The following GRAMD2B variants were observed in gnomAD, a reference collection of about 807,000 sequenced individuals.
GRAMD2B encodes GRAM domain-containing protein 2B.
GRAMD2B carries 41 observed loss-of-function variants against 59.2 expected under a neutral mutation model. The observed-to-expected ratio is 0.69, with a 90% CI of 0.54 to 0.90. The LOEUF is 0.90. Among genes scored for constraint, GRAMD2B ranks in the 40% least tolerant of loss-of-function variants. The pLI is 0.00. For missense variants in GRAMD2B, 424 were observed against 500.5 expected, an observed-to-expected ratio of 0.85 and a Z score of 1.46; for synonymous variants, 161 against 182.7, an observed-to-expected ratio of 0.88 and a Z score of 0.96.
chr5:126,455,981 G>C (rs58059136), intron 1 of GRAMD2B, among the ~76,000 whole-genome samples: 11,260 of 152,172 alleles, frequency 0.074, 686 homozygotes, highest in African/African-American at 0.17. Context: ...TAAATCCTTT[G>C]AGAACATAAA....
At chr5:126,384,259 A>G (rs1755914806) in intron 1 of GRAMD2B, among the ~76,000 whole-genome samples, 1 of 152,200 alleles carries the variant, frequency 6.6e-6, no homozygotes, top group Non-Finnish European at 1.5e-5. Flanking sequence ...CCGGGATACT[A>G]TAGAAGGCAG....
At chr5:126,430,094 A>G (rs1408388685) in intron 1 of GRAMD2B, among the ~76,000 whole-genome samples, 1 of 152,224 alleles carries the variant, frequency 6.6e-6, no homozygotes, top group African/African-American at 2.4e-5. Flanking sequence ...TTTCAAATGT[A>G]ATAAAGCAAA....
At chr5:126,393,200 C>T (rs555317232) in intron 1 of GRAMD2B, among the ~76,000 whole-genome samples, 15 of 152,236 alleles carry the variant, frequency 9.9e-5, no homozygotes, top group Non-Finnish European at 1.3e-4. Flanking sequence ...TTTTCCATCA[C>T]GACCATCTCC....
At chr5:126,374,691 C>A (rs533441394) in intron 1 of GRAMD2B, among the ~76,000 whole-genome samples, 1 of 152,074 alleles carries the variant, frequency 6.6e-6, no homozygotes, top group Non-Finnish European at 1.5e-5. Flanking sequence ...GTGTTTAGAA[C>A]GTATTTCCTT....
intron 1 of GRAMD2B, among the ~76,000 whole-genome samples, chr5:126,437,648 G>A (rs1447571162): frequency 6.6e-6 from 1 of 152,070 alleles, no homozygotes; most frequent in African/African-American, 2.4e-5. Flanking sequence ...GAACGGCAGA[G>A]AATAAAACAA....
At chr5:126,430,733 A>AATGCTT (rs1222007490) in intron 1 of GRAMD2B, among the ~76,000 whole-genome samples, 1 of 152,234 alleles carries the variant, frequency 6.6e-6, no homozygotes, top group Non-Finnish European at 1.5e-5. Flanking sequence ...TAGCAAAAGA[A>AATGCTT]ACAAGATTGT....
chr5:126,363,647 T>C (rs960320696), intron 1 of GRAMD2B, among the ~76,000 whole-genome samples: 1 of 152,128 alleles, frequency 6.6e-6, no homozygotes, highest in East Asian at 1.9e-4. Flanking sequence ...TTGAAAACAT[T>C]GTAGGTGAAA....
chr5:126,430,878 T>C (rs935437587), intron 1 of GRAMD2B, among the ~76,000 whole-genome samples: 6 of 152,216 alleles, frequency 3.9e-5, no homozygotes, highest in Non-Finnish European at 7.3e-5. Context: ...CAGGCTGTGA[T>C]ACTTGGGTAC....
At chr5:126,481,204 AAAGAAAGAAAGAAAGAAAGAAAGAAAG>A (rs1190810810) in intron 8 of GRAMD2B, among the ~76,000 whole-genome samples, 5 of 2,892 alleles carry the variant, frequency 1.7e-3, no homozygotes, top group African/African-American at 3.5e-3. Flanking sequence ...AAAAAAAAAA[AAAGAAAGAAAGAAAGAAAGAAAGAAAG>A]AAAGAAAGAA....
chr5:126,369,270 TTGAA>T (rs33935788), upstream of GRAMD2B, among the ~76,000 whole-genome samples: 93,378 of 151,328 alleles, frequency 0.62, 29,217 homozygotes, highest in Admixed American at 0.67. Context: ...TAAATACTTG[TTGAA>T]TGAATGAATG....
At chr5:126,420,761 G>T (rs1310486323), upstream of GRAMD2B, among the ~76,000 whole-genome samples, 1 of 152,126 alleles carries the variant, frequency 6.6e-6, no homozygotes, top group Admixed American at 6.5e-5. Context: ...TGAAATCAGG[G>T]ACTCAGACAA....
At chr5:126,368,202 A>T (rs1022028714), upstream of GRAMD2B, among the ~76,000 whole-genome samples, 2 of 152,124 alleles carry the variant, frequency 1.3e-5, no homozygotes, top group Non-Finnish European at 2.9e-5. Context: ...TAAACGTCCT[A>T]TTCCAGTTGT....
rs143352306 is a variant in GRAMD2B, at chr5:126,435,874, C to T, written c.83+12185C>T. 4.6e-5 allele frequency among the ~76,000 whole-genome samples: 7 copies of T among 152,196 alleles called. No individual in the cohort carries two copies. The East Asian group carries it at 1.3e-3, about 29-fold the overall frequency. ...ATATACCTGTTTAAGGCAGGACTGC[C>T]GCTGGAACATACCTAAACTATCCTC... On this transcript the variant is annotated intron_variant, in intron 1 of 13. Coordinates refer to ENST00000285689, the MANE Select transcript of GRAMD2B (RefSeq NM_023927.4).
chr5:126,437,894 C>T (rs1319974843), intron 1 of GRAMD2B, among the ~76,000 whole-genome samples: 1 of 152,162 alleles, frequency 6.6e-6, no homozygotes, highest in African/African-American at 2.4e-5. Flanking sequence ...AATGAGGAAG[C>T]CAGCATAGCC....
intron 1 of GRAMD2B, among the ~76,000 whole-genome samples, chr5:126,384,167 A>G (rs1232982352): frequency 6.6e-6 from 1 of 152,182 alleles, no homozygotes. Context: ...CTATTCTTCA[A>G]GAAGAATAGA....
chr5:126,410,650 C>A (rs2149756441), intron 1 of GRAMD2B, among the ~76,000 whole-genome samples: 1 of 152,172 alleles, frequency 6.6e-6, no homozygotes, highest in South Asian at 2.1e-4. Context: ...GTTTTAAGTT[C>A]TTTGAAAAGT....
At chr5:126,397,975 C>G (rs907350436) in intron 1 of GRAMD2B, among the ~76,000 whole-genome samples, 2 of 150,158 alleles carry the variant, frequency 1.3e-5, no homozygotes, top group African/African-American at 2.4e-5. Context: ...GTAGAATTAC[C>G]TATGAAGTCA....
At chr5:126,481,207 G>GAAAAAA (rs1771715348) in intron 8 of GRAMD2B, among the ~76,000 whole-genome samples, 1 of 2,864 alleles carries the variant, frequency 3.5e-4, no homozygotes, top group Non-Finnish European at 7.2e-4. Context: ...AAAAAAAAAA[G>GAAAAAA]AAAGAAAGAA....
intron 1 of GRAMD2B, among the ~76,000 whole-genome samples, chr5:126,440,397 A>G (rs1763092615): frequency 6.6e-6 from 1 of 152,240 alleles, no homozygotes; most frequent in African/African-American, 2.4e-5. Flanking sequence ...AGAAATAGCC[A>G]AGTCAAATCT....
Sources: allele counts gnomAD v4.1 joint callset (sites outside exome capture counted in the v4.1 genomes callset), GRCh38; gene constraint gnomAD v4.1.1; transcripts MANE v1.5; gene names NCBI Gene and HGNC (gene_info 2026-07-23, HGNC 2026-07-21).